Variants in NOTCH1 observed in about 807,000 individuals in gnomAD.
The protein encoded by NOTCH1 is neurogenic locus notch homolog protein 1.
NOTCH1 carries 37 observed loss-of-function variants against 254.8 expected under a neutral mutation model. The observed-to-expected ratio is 0.15, with a 90% CI of 0.11 to 0.19. The LOEUF is 0.19. Among genes scored for constraint, NOTCH1 ranks in the 10% least tolerant of loss-of-function variants. The pLI is 1.00. For synonymous variants in NOTCH1, 1,731 were observed against 1,618.1 expected (o/e 1.07, Z -1.68); for missense variants, 2,972 against 3,708.6 (o/e 0.80, Z 5.16).
At chr9:136,514,039 G>A (rs535825473) in intron 13 of NOTCH1, among the ~76,000 whole-genome samples, 24 of 152,256 alleles carry the variant, frequency 1.6e-4, no homozygotes, top group African/African-American at 4.8e-4. Context: ...GTTCATTAGC[G>A]AGGGGACCAT....
intron 2 of NOTCH1, among the ~76,000 whole-genome samples, chr9:136,537,879 G>A (rs567628660): frequency 2.6e-5 from 4 of 152,288 alleles, no homozygotes; most frequent in African/African-American, 7.2e-5. Flanking sequence ...GATCACCTGA[G>A]GTTAGGAGTT....
rs191364166 is a variant in NOTCH1, at chr9:136,500,914, G to T, written c.5639-67C>A. ...CCCAGCTGCAGCCCAGGGGGAGGGG[G>T]GCAGCAGCCCCAAGCTCAAGGGGCC... is the stretch of plus-strand genomic sequence containing the variant. On this transcript the variant is annotated intron_variant, in intron 30 of 33. Coordinates refer to ENST00000651671, the MANE Select transcript of NOTCH1 (RefSeq NM_017617.5). 268 of 1,503,352 alleles carry T rather than the reference G, an allele frequency of 1.8e-4. 1 individual carries two copies. In the African/African-American group the frequency reaches 3.0e-3, roughly 17 times the overall value. The allele number at this position is 1,503,352 out of a possible 1,614,324, so 93.1% of individuals were successfully genotyped here. A position where few individuals can be genotyped will look rare whatever the true frequency, so the allele number is the denominator to read the frequency against.
Position 136,496,802 on chromosome 9 carries a change from G to A in NOTCH1, c.6937C>T (p.Arg2313Trp), listed in dbSNP as rs374453977. 6.8e-6 allele frequency: 11 copies of A among 1,612,800 alleles called. No homozygotes were observed. Among genetic ancestry groups the A allele is most frequent in the Middle Eastern group, 1.7e-4 (1 of 6,046 alleles). Residue 2313 changes from arginine (R) to tryptophan (W), a missense_variant, in exon 34 of 34, where the codon CGG becomes TGG. Coordinates refer to ENST00000651671, the MANE Select transcript of NOTCH1 (RefSeq NM_017617.5). ...SLNGQCEWLS[R>W]LQSGMVPNQY... ...TTCGGCACCATGCCGCTCTGCAGCC[G>A]GGACAGCCACTCGCATTGACCATTC...
In NOTCH1 at chr9:136,510,821, A is replaced by C. The variant is rs781139940; in HGVS notation, c.2588-16T>G. Reference sequence around the variant, plus strand: ...CAGGTCTGCCCTGCGGGGCAGGAGGAGGCCGGTTGGTCACCAGCGGCCCCT... The same window carrying C: ...CAGGTCTGCCCTGCGGGGCAGGAGGCGGCCGGTTGGTCACCAGCGGCCCCT... On this transcript the variant is annotated splice_polypyrimidine_tract_variant and intron_variant, in intron 16 of 33. Coordinates refer to ENST00000651671, the MANE Select transcript of NOTCH1 (RefSeq NM_017617.5). The C allele has an allele frequency of 1.5e-5, 24 of 1,606,286 alleles. No homozygotes were observed. The highest frequency in any genetic ancestry group is 2.0e-5 in the Non-Finnish European group (24 of 1,179,702).
At chr9:136,505,278 C>T (rs752282497) in intron 25 of NOTCH1, 32 bp downstream of exon 25, 1 of 1,550,436 alleles carries the variant, frequency 6.4e-7, no homozygotes, top group South Asian at 1.2e-5. Flanking sequence ...AGTTCAGGTC[C>T]TCCCTCAGCC....
At chr9:136,542,318 T>A (rs1589083269) in intron 2 of NOTCH1, among the ~76,000 whole-genome samples, 1 of 151,856 alleles carries the variant, frequency 6.6e-6, no homozygotes. Context: ...GAGCCCCGAA[T>A]GGGTGAGAGG....
intron 4 of NOTCH1, among the ~76,000 whole-genome samples, chr9:136,520,809 C>T (rs1305850106): frequency 1.3e-5 from 2 of 152,210 alleles, no homozygotes; most frequent in South Asian, 2.1e-4. Context: ...ACCCCGGCTC[C>T]GAGGCAGATG....
chr9:136,507,314 C>T lies in NOTCH1; in HGVS notation c.3634G>A (p.Gly1212Ser), dbSNP rs1417123626. Residue 1212 changes from glycine (G) to serine (S), a missense_variant, in exon 22 of 34, where the codon GGC becomes AGC. Around this residue, in one of 8 missense-constraint regions of NOTCH1, gnomAD observed 1,343 missense variants for 1,557.0 expected, o/e 0.86. Transcript: ENST00000651671. ...GTGCAGCGGCCCTTACCCTGAGTGC[C>T]CCGTGGGCAGGAGCACTTGTAGGTG... ...PNTYKCSCPR[G>S]TQGVHCEINV... 6.2e-7 allele frequency: 1 copy of T among 1,612,928 alleles called. No individual in the cohort carries two copies. Among genetic ancestry groups the T allele is most frequent in the South Asian group, 1.1e-5 (1 of 91,088 alleles).
intron 15 of NOTCH1, 41 bp downstream of exon 15, chr9:136,512,980 A>C: frequency 1.5e-6 from 1 of 667,600 alleles, no homozygotes; most frequent in Non-Finnish European, 2.5e-6. Flanking sequence ...CCTCCCACAT[A>C]GGCCCCGCCC....
intron 2 of NOTCH1, among the ~76,000 whole-genome samples, chr9:136,533,400 T>C (rs1233348144): frequency 3.3e-5 from 5 of 152,204 alleles, no homozygotes; most frequent in Admixed American, 6.5e-5. Flanking sequence ...TTCCAGTAAC[T>C]GTGTGTTTCC....
intron 2 of NOTCH1, among the ~76,000 whole-genome samples, chr9:136,542,002 C>T (rs1016471327): frequency 6.6e-6 from 1 of 152,252 alleles, no homozygotes; most frequent in Admixed American, 6.5e-5. Flanking sequence ...CCATGGTCGG[C>T]GGCCTGCCTT....
rs562413261 is a variant in NOTCH1, at chr9:136,515,684, C to T, written c.1702G>A (p.Asp568Asn). 39 of 1,554,836 alleles carry T rather than the reference C, an allele frequency of 2.5e-5. No homozygotes were observed. In the South Asian group the frequency reaches 3.5e-4, roughly 14 times the overall value. Residue 568 changes from aspartate (D) to asparagine (N), a missense_variant, in exon 11 of 34, where the codon GAT becomes AAT. Coordinates refer to ENST00000651671, the MANE Select transcript of NOTCH1 (RefSeq NM_017617.5). ...YTGTHCEVDI[D>N]ECDPDPCHYG... is the part of the protein sequence containing the mutation. The stretch of plus-strand genomic sequence containing the variant: ...TGGCAGGGGTCGGGGTCGCACTCAT[C>T]GATGTCCACCTCGCAGTGCGTCCCC...
At chr9:136,535,993 G>T (rs560562226) in intron 2 of NOTCH1, among the ~76,000 whole-genome samples, 1 of 141,052 alleles carries the variant, frequency 7.1e-6, no homozygotes, top group Non-Finnish European at 1.6e-5. Context: ...TGGTGGGTGG[G>T]GGGGAGCACT....
rs1476309340 is a variant in NOTCH1, at chr9:136,494,788, T to A, written c.*1283A>T. 2.8e-5 allele frequency: 11 copies of A among 398,618 alleles called. No homozygotes were observed. Among genetic ancestry groups the A allele is most frequent in the Non-Finnish European group, 4.0e-5 (9 of 226,030 alleles). 24.7% of individuals were successfully genotyped at this position (398,618 alleles called of 1,614,324 possible). A position where few individuals can be genotyped will look rare whatever the true frequency, so the allele number is the denominator to read the frequency against. The stretch of plus-strand genomic sequence containing the variant: ...AACAGACTCATTCATTAAGATTTTT[T>A]AAACAAAATCCACCTTTAAAAACAT... On this transcript the variant is annotated 3_prime_UTR_variant, in exon 34 of 34. Transcript: ENST00000651671.
chr9:136,534,396 G>A lies in NOTCH1; in HGVS notation c.140+9628C>T, dbSNP rs187078517. Among the ~76,000 whole-genome samples, 189 of 152,316 alleles carry A rather than the reference G, an allele frequency of 1.2e-3. 1 individual carries two copies. The highest frequency in any genetic ancestry group is 4.3e-3 in the African/African-American group (180 of 41,562). ...TGCGTAGACAGGGTCGACATCTGAT[G>A]ACAAATTCTCATCTGCCAATTAGAG... On this transcript the variant is annotated intron_variant, in intron 2 of 33. Coordinates refer to ENST00000651671, the MANE Select transcript of NOTCH1 (RefSeq NM_017617.5).
In NOTCH1 at chr9:136,501,449, A is replaced by G. The variant is rs7867547; in HGVS notation, c.5638+299T>C. ...ACTCCATCTCAAAAACAAAAAAAAA[A>G]GAAAAAAAAAAAGAAAAAGAAAATC... is the stretch of plus-strand genomic sequence containing the variant. On this transcript the variant is annotated intron_variant, in intron 30 of 33. Transcript: ENST00000651671. Among the ~76,000 whole-genome samples, 80,302 of 124,404 alleles carry G rather than the reference A, an allele frequency of 0.65. 22,761 individuals are homozygous for G. The highest frequency in any genetic ancestry group is 0.9 in the East Asian group (4,401 of 4,900). 81.6% of individuals were successfully genotyped at this position (124,404 alleles called of 152,430 possible).
At position 136,500,770 on chromosome 9, in the gene NOTCH1, C is replaced by T. The variant is rs779880917; in HGVS notation, c.5716G>A (p.Ala1906Thr). Residue 1906 changes from alanine (A) to threonine (T), a missense_variant, in exon 31 of 34, where the codon GCG (alanine) becomes ACG (threonine). Physicochemically the swap from Ala to Thr is moderately conservative, Grantham distance 58. Coordinates refer to ENST00000651671, the MANE Select transcript of NOTCH1 (RefSeq NM_017617.5). ...ATGAAGTCGGAGATGACGGCCGGCG[C>T]GTCCTCCTCTTCCTCGCTGTTGCCC... Reference protein sequence around the residue: ...ETGNSEEEEDAPAVISDFIYQ... With the variant: ...ETGNSEEEEDTPAVISDFIYQ... 14 of 1,603,440 alleles carry T rather than the reference C, an allele frequency of 8.7e-6. No homozygotes were observed. The highest frequency in any genetic ancestry group is 1.2e-5 in the Non-Finnish European group (14 of 1,179,798).
At chr9:136,514,397 G>A (rs902140860) in intron 13 of NOTCH1, 113 bp downstream of exon 13, 44 of 1,215,274 alleles carry the variant, frequency 3.6e-5, no homozygotes, top group Non-Finnish European at 4.1e-5. Context: ...ACCCAGCCCC[G>A]TCCGAGGCCC....
rs2133343157 is a variant in NOTCH1, at chr9:136,506,723, A to C, written c.3894T>G (p.Gly1298=). The part of the protein sequence containing the change: ...VNDFHCECRA[G]HTGRRCESVI... Reference sequence around the variant, plus strand: ...CCTGGGCGCGGCACCCACCGGTGTGACCAGCACGGCACTCGCAGTGGAAGT... The same window carrying C: ...CCTGGGCGCGGCACCCACCGGTGTGCCCAGCACGGCACTCGCAGTGGAAGT... The change falls in exon 23 of 34, where the codon GGT becomes GGG. Residue 1298 remains glycine, a synonymous_variant. Coordinates refer to ENST00000651671, the MANE Select transcript of NOTCH1 (RefSeq NM_017617.5). The surrounding 1 kb of genome is among the most constrained non-coding windows in gnomAD (Gnocchi z 4.5). 1.9e-6 allele frequency: 3 copies of C among 1,599,560 alleles called. No individual in the cohort carries two copies. The highest frequency in any genetic ancestry group is 2.6e-6 in the Non-Finnish European group (3 of 1,173,788).
Sources: gnomAD v4.1 joint callset for allele counts (sites outside exome capture counted in the v4.1 genomes callset) on GRCh38, gnomAD v4.1.1 for gene constraint, gnomAD v4.1.1 regional missense constraint, Gnocchi (gnomAD v3.1) non-coding constraint, MANE v1.5 for transcripts, NCBI Gene and HGNC (gene_info 2026-07-23, HGNC 2026-07-21) for gene names.